The following TGFBR3 variants were observed in gnomAD, a reference collection of about 807,000 sequenced individuals.
TGFBR3 encodes the protein transforming growth factor beta receptor 3, also known as transforming growth factor beta receptor type 3.
TGFBR3 carries 46 observed loss-of-function variants against 87.9 expected under a neutral mutation model. That is an observed-to-expected ratio of 0.52 (90% CI 0.41 to 0.67). The LOEUF (loss-of-function observed/expected upper bound fraction) is 0.67, where lower values mean the gene tolerates loss of function less well. Among genes scored for constraint, TGFBR3 ranks in the 30% least tolerant of loss-of-function variants. The pLI, the probability that TGFBR3 is intolerant of heterozygous loss-of-function variation, is 0.00. For synonymous variants in TGFBR3, 381 were observed against 391.6 expected (o/e 0.97, Z 0.32); for missense variants, 866 against 1,041.9 (o/e 0.83, Z 2.32).
At chr1:91,871,827 A>C (rs180859875) in intron 1 of TGFBR3, among the ~76,000 whole-genome samples, 1 of 152,250 alleles carries the variant, frequency 6.6e-6, no homozygotes, top group Admixed American at 6.5e-5. Flanking sequence ...TGCCTTTTCT[A>C]AGCAATATAA....
At position 91,720,182 on chromosome 1, in the gene TGFBR3, C is replaced by T. The variant is rs748447003; in HGVS notation, c.1124G>A (p.Arg375Gln). ...EEVHTIPPEL[R>Q]ILLDPGALPA... ...CAGGGCACCAGGGTCCAGCAGGATCCGTAGCTCAGGAGGAATAGTGTGGAC... is the reference window on the plus strand; with the variant it reads ...CAGGGCACCAGGGTCCAGCAGGATCTGTAGCTCAGGAGGAATAGTGTGGAC... The change falls in exon 9 of 17, where the codon CGG (arginine) becomes CAG (glutamine). Residue 375 changes from arginine to glutamine, a missense_variant. Physicochemically the swap from Arg to Gln is conservative, Grantham distance 43. Transcript: ENST00000212355. 11 of 1,612,528 alleles carry T rather than the reference C, an allele frequency of 6.8e-6. No individual in the cohort carries two copies. Among genetic ancestry groups the T allele is most frequent in the East Asian group, 4.5e-5 (2 of 44,788 alleles).
chr1:91,843,449 T>C (rs1677364046), intron 2 of TGFBR3, among the ~76,000 whole-genome samples: 1 of 152,218 alleles, frequency 6.6e-6, no homozygotes, highest in African/African-American at 2.4e-5. Context: ...CCTCCAGCAC[T>C]GTGAGAAAAA....
intron 4 of TGFBR3, among the ~76,000 whole-genome samples, chr1:91,757,281 T>G (rs1357211734): frequency 6.6e-6 from 1 of 152,230 alleles, no homozygotes; most frequent in African/African-American, 2.4e-5. Context: ...TATGCATTTC[T>G]GGCAAAAATA....
intron 2 of TGFBR3, among the ~76,000 whole-genome samples, chr1:91,812,612 T>A (rs931086519): frequency 1.3e-5 from 2 of 152,186 alleles, no homozygotes; most frequent in African/African-American, 2.4e-5. Context: ...TGCTTTATAG[T>A]TTTTTCGGTT....
chr1:91,683,924 G>C, intron 16 of TGFBR3, 67 bp from the exon 17 acceptor site: 2 of 1,409,256 alleles, frequency 1.4e-6, no homozygotes, highest in African/African-American at 2.8e-5. Flanking sequence ...TTCCTGAAAA[G>C]ATCATTTATT....
chr1:91,821,096 G>A lies in TGFBR3; in HGVS notation c.62-23625C>T, dbSNP rs115693097. ...CTGTAATCCCAGCACTTGGGAGACT[G>A]AGGCAGGCAGATCACCCAAGGTCAG... is the stretch of plus-strand genomic sequence containing the variant. On this transcript the variant is annotated intron_variant, in intron 2 of 16. Coordinates refer to ENST00000212355, the MANE Select transcript of TGFBR3 (RefSeq NM_003243.5). 6.6e-3 allele frequency among the ~76,000 whole-genome samples: 1,006 copies of A among 152,190 alleles called. 5 individuals are homozygous for A. Among genetic ancestry groups the A allele is most frequent in the Non-Finnish European group, 0.01 (704 of 68,000 alleles).
chr1:91,734,623 G>A (rs763917808), intron 5 of TGFBR3, among the ~76,000 whole-genome samples, 153 bp downstream of exon 5: 2 of 152,242 alleles, frequency 1.3e-5, no homozygotes, highest in Non-Finnish European at 2.9e-5. Flanking sequence ...TATGGGGGGC[G>A]GTGGAGAGGC....
At chr1:91,870,240 T>C (rs1406565884) in intron 1 of TGFBR3, among the ~76,000 whole-genome samples, 1 of 152,222 alleles carries the variant, frequency 6.6e-6, no homozygotes, top group Non-Finnish European at 1.5e-5. Flanking sequence ...CCAATAGTCC[T>C]CACCTCATTC....
upstream of TGFBR3, among the ~76,000 whole-genome samples, chr1:91,887,441 G>C (rs1366799011): frequency 6.6e-6 from 1 of 151,336 alleles, no homozygotes; most frequent in Non-Finnish European, 1.5e-5. Context: ...TTTGTAGAGG[G>C]GGTTGGCAGG....
chr1:91,793,805 C>CAAAA (rs57943201), intron 3 of TGFBR3, among the ~76,000 whole-genome samples: 4 of 99,058 alleles, frequency 4.0e-5, no homozygotes, highest in Admixed American at 1.2e-4. Context: ...GACTCTGTCT[C>CAAAA]AAAAAAAAAA....
At chr1:91,800,035 G>C (rs764489292) in intron 2 of TGFBR3, among the ~76,000 whole-genome samples, 4 of 151,690 alleles carry the variant, frequency 2.6e-5, no homozygotes, top group African/African-American at 7.3e-5. Flanking sequence ...CAAGGTCAAA[G>C]AAAAGAGAAA....
intron 4 of TGFBR3, among the ~76,000 whole-genome samples, chr1:91,752,369 C>T (rs1490593173): frequency 2.0e-5 from 3 of 152,090 alleles, no homozygotes; most frequent in Non-Finnish European, 4.4e-5. Flanking sequence ...CCTTCTATGC[C>T]CCATCCCCCA....
chr1:91,822,927 C>T (rs778856794), intron 2 of TGFBR3, among the ~76,000 whole-genome samples: 1 of 152,034 alleles, frequency 6.6e-6, no homozygotes, highest in African/African-American at 2.4e-5. Flanking sequence ...TAGACCCTGT[C>T]TCAAAAATAA....
At chr1:91,784,273 T>G (rs1311187048) in intron 3 of TGFBR3, among the ~76,000 whole-genome samples, 2 of 152,162 alleles carry the variant, frequency 1.3e-5, no homozygotes, top group African/African-American at 2.4e-5. Flanking sequence ...GACCAAACAC[T>G]AAGTCCACTA....
chr1:91,845,699 C>T (rs940615774), intron 2 of TGFBR3, among the ~76,000 whole-genome samples: 4 of 152,094 alleles, frequency 2.6e-5, no homozygotes, highest in African/African-American at 9.7e-5. Flanking sequence ...AATTGGCATG[C>T]ACTTGATTTC....
chr1:91,774,159 TGA>T (rs1674481744), intron 3 of TGFBR3, among the ~76,000 whole-genome samples: 2 of 151,940 alleles, frequency 1.3e-5, no homozygotes, highest in South Asian at 4.2e-4. Flanking sequence ...TTTTTTTTTT[TGA>T]GAGTCTCACT....
chr1:91,758,896 T>G, intron 3 of TGFBR3, 146 bp from the exon 4 acceptor site: 1 of 1,050,730 alleles, frequency 9.5e-7, no homozygotes. Flanking sequence ...ATAAGATACA[T>G]TAAGTTGAAC....
intron 2 of TGFBR3, among the ~76,000 whole-genome samples, chr1:91,853,819 G>A (rs375510702): frequency 2.0e-5 from 3 of 152,084 alleles, no homozygotes; most frequent in Admixed American, 6.5e-5. Flanking sequence ...CGAGACCAGC[G>A]TGGCCAATAT....
At chr1:91,721,257 C>T (rs1672359173) in intron 8 of TGFBR3, among the ~76,000 whole-genome samples, 2 of 152,200 alleles carry the variant, frequency 1.3e-5, no homozygotes, top group Non-Finnish European at 2.9e-5. Context: ...CACAACAACC[C>T]TGTAAGGTCT....
Sources: allele counts gnomAD v4.1 joint callset (sites outside exome capture counted in the v4.1 genomes callset), GRCh38; gene constraint gnomAD v4.1.1; transcripts MANE v1.5; gene names NCBI Gene and HGNC (gene_info 2026-07-23, HGNC 2026-07-21).